SH3RF2: variants seen among roughly 807,000 people sequenced by gnomAD.
SH3RF2 encodes SH3 domain containing ring finger 2.
Under a neutral mutation model 59.0 loss-of-function variants are expected in SH3RF2, and 43 were observed. The observed-to-expected ratio is 0.73, with a 90% CI of 0.57 to 0.94. The LOEUF (loss-of-function observed/expected upper bound fraction) is 0.94. Among genes scored for constraint, SH3RF2 ranks in the 40% least tolerant of loss-of-function variants. The pLI, the probability that SH3RF2 is intolerant of heterozygous loss-of-function variation, is 0.00. For synonymous variants in SH3RF2, 391 were observed against 391.5 expected (o/e 1.00, Z 0.01); for missense variants, 930 against 940.1 (o/e 0.99, Z 0.14).
intron 2 of SH3RF2, among the ~76,000 whole-genome samples, chr5:145,951,688 G>A (rs185709057): frequency 7.2e-5 from 11 of 152,252 alleles, no homozygotes; most frequent in Admixed American, 6.5e-4. Flanking sequence ...AAGTCTCCCT[G>A]AAATTAAGCC....
At chr5:145,967,561 G>A (rs1185745847) in intron 2 of SH3RF2, among the ~76,000 whole-genome samples, 2 of 152,230 alleles carry the variant, frequency 1.3e-5, no homozygotes, top group Non-Finnish European at 2.9e-5. Flanking sequence ...AATGCTTGGT[G>A]CAGGTTCTTG....
chr5:146,028,992 G>A (rs1236536471), intron 5 of SH3RF2, among the ~76,000 whole-genome samples: 1 of 152,160 alleles, frequency 6.6e-6, no homozygotes, highest in Non-Finnish European at 1.5e-5. Context: ...ACATACATAT[G>A]TAGTGAAAAG....
intron 2 of SH3RF2, among the ~76,000 whole-genome samples, chr5:145,978,431 G>C (rs1447325192): frequency 6.6e-6 from 1 of 152,056 alleles, no homozygotes; most frequent in Non-Finnish European, 1.5e-5. Context: ...ATGTCCACAG[G>C]GTGCTTTTAT....
intron 3 of SH3RF2, among the ~76,000 whole-genome samples, chr5:146,002,191 C>A (rs957521803): frequency 6.6e-6 from 1 of 152,198 alleles, no homozygotes; most frequent in African/African-American, 2.4e-5. Context: ...TGGCTCACGC[C>A]TGCAATCCCA....
At chr5:146,054,761 A>C (rs541341502) in intron 7 of SH3RF2, among the ~76,000 whole-genome samples, 2 of 152,378 alleles carry the variant, frequency 1.3e-5, no homozygotes, top group Non-Finnish European at 2.9e-5. Context: ...CAATCAAAAG[A>C]AGGAAAGACA....
At chr5:146,042,677 T>C (rs1057060699) in intron 5 of SH3RF2, among the ~76,000 whole-genome samples, 1 of 152,180 alleles carries the variant, frequency 6.6e-6, no homozygotes, top group Admixed American at 6.5e-5. Context: ...TGCCAGCAAC[T>C]CTGTGCCAGG....
rs10059164 is a variant in SH3RF2, at chr5:145,970,839, A to G, written c.379-29219A>G. Among the ~76,000 whole-genome samples, 1,361 of 152,282 alleles carry G rather than the reference A, an allele frequency of 8.9e-3. 15 individuals carry two copies. Among genetic ancestry groups the G allele is most frequent in the African/African-American group, 0.031 (1,278 of 41,560 alleles). ...GAAGTTAACCTTATAGAATTGGTGT[A>G]TATCAGAAGAGGTTCTGATAATTTA... On this transcript the variant is annotated intron_variant, in intron 2 of 9. Coordinates refer to ENST00000359120, the MANE Select transcript of SH3RF2 (RefSeq NM_152550.4).
chr5:145,943,693 T>C (rs915753992), intron 2 of SH3RF2, among the ~76,000 whole-genome samples: 1 of 93,088 alleles, frequency 1.1e-5, no homozygotes, highest in Non-Finnish European at 2.4e-5. Context: ...CTACTTCAGT[T>C]TTTTGTTTTT....
chr5:145,961,095 A>T (rs1326359252), intron 2 of SH3RF2, among the ~76,000 whole-genome samples: 1 of 151,942 alleles, frequency 6.6e-6, no homozygotes, highest in Non-Finnish European at 1.5e-5. Context: ...GCCCATGGAG[A>T]TAAAATAAAG....
chr5:145,974,908 T>C (rs1346520195), intron 2 of SH3RF2, among the ~76,000 whole-genome samples: 1 of 152,226 alleles, frequency 6.6e-6, no homozygotes, highest in Admixed American at 6.5e-5. Flanking sequence ...ATATATTGAA[T>C]CGGTTTTCCC....
At chr5:145,984,150 T>C (rs1282239928) in intron 2 of SH3RF2, among the ~76,000 whole-genome samples, 3 of 152,148 alleles carry the variant, frequency 2.0e-5, no homozygotes, top group Non-Finnish European at 2.9e-5. Context: ...GTATTGTGTA[T>C]GTCTCATTTA....
At chr5:146,056,262 A>C (rs554908680) in intron 8 of SH3RF2, 49 bp downstream of exon 8, 1 of 1,612,574 alleles carries the variant, frequency 6.2e-7, no homozygotes, top group Admixed American at 1.7e-5. Context: ...GATGGGGGGA[A>C]TCTGACCCAG....
In SH3RF2 at chr5:146,055,790, G is replaced by C. The variant is rs1040344650; in HGVS notation, c.1323-191G>C. 101 of 621,460 alleles carry C rather than the reference G, an allele frequency of 1.6e-4. No homozygotes were observed. The African/African-American group carries it at 1.8e-3, about 11-fold the overall frequency. 38.5% of individuals were successfully genotyped at this position (621,460 alleles called of 1,614,324 possible). ...CCTCAGCACACCCTCACAGTTATCC[G>C]GGTGTAGGGAGGTGGGGCCAACTTT... is the stretch of plus-strand genomic sequence containing the variant. On this transcript the variant is annotated intron_variant, in intron 7 of 9. Transcript: ENST00000359120.
Position 145,957,394 on chromosome 5 carries a change from C to A in SH3RF2, c.378+19088C>A, listed in dbSNP as rs572071413. Among the ~76,000 whole-genome samples, 3 of 152,122 alleles carry A rather than the reference C, an allele frequency of 2.0e-5. No individual in the cohort carries two copies. In the East Asian group the frequency reaches 5.8e-4, roughly 29 times the overall value. On this transcript the variant is annotated intron_variant, in intron 2 of 9. Coordinates refer to ENST00000359120, the MANE Select transcript of SH3RF2 (RefSeq NM_152550.4). ...AAATAGTAGCTGTAATGCAGAGAAGCGGATGAATTTAAGAGTAAATTGAAA... is the reference window on the plus strand; with the variant it reads ...AAATAGTAGCTGTAATGCAGAGAAGAGGATGAATTTAAGAGTAAATTGAAA...
intron 5 of SH3RF2, among the ~76,000 whole-genome samples, chr5:146,044,343 G>T (rs2150012224): frequency 6.6e-6 from 1 of 152,092 alleles, no homozygotes; most frequent in South Asian, 2.1e-4. Flanking sequence ...TAGAGACAGG[G>T]TTTCACCATG....
chr5:145,954,129 C>T (rs1050548832), intron 2 of SH3RF2, among the ~76,000 whole-genome samples: 22 of 152,188 alleles, frequency 1.4e-4, no homozygotes, highest in Non-Finnish European at 2.2e-4. Context: ...TGAGGAATCG[C>T]CATATGGCTT....
intron 5 of SH3RF2, among the ~76,000 whole-genome samples, chr5:146,032,176 A>G (rs1207146668): frequency 6.6e-6 from 1 of 152,200 alleles, no homozygotes; most frequent in African/African-American, 2.4e-5. Flanking sequence ...TATAAGCTCC[A>G]TAAGGACAGA....
intron 5 of SH3RF2, among the ~76,000 whole-genome samples, chr5:146,040,110 A>G (rs1762071947): frequency 6.6e-6 from 1 of 152,214 alleles, no homozygotes; most frequent in Non-Finnish European, 1.5e-5. Context: ...AAACTTCAGC[A>G]TTGTAGCTAC....
At chr5:145,989,091 A>T (rs116104614) in intron 2 of SH3RF2, among the ~76,000 whole-genome samples, 170 of 152,324 alleles carry the variant, frequency 1.1e-3, no homozygotes, top group African/African-American at 3.9e-3. Flanking sequence ...TTCCCAAGAC[A>T]CGTGGGCTCT....
Sources: allele counts gnomAD v4.1 joint callset (sites outside exome capture counted in the v4.1 genomes callset), GRCh38; gene constraint gnomAD v4.1.1; transcripts MANE v1.5; gene names NCBI Gene and HGNC (gene_info 2026-07-23, HGNC 2026-07-21).